LRP6: variants seen among roughly 807,000 people sequenced by gnomAD.
The protein encoded by LRP6 is LDL receptor related protein 6.
In LRP6, 43 loss-of-function variants were observed where a neutral mutation model predicts 184.1. The observed-to-expected ratio is 0.23, with a 90% CI of 0.18 to 0.30. The LOEUF (loss-of-function observed/expected upper bound fraction) is 0.30. LRP6 is among the 10% of genes least tolerant of loss of function. The pLI is 1.00. For missense variants in LRP6, 1,571 were observed against 2,005.3 expected, an observed-to-expected ratio of 0.78 and a Z score of 4.14; for synonymous variants, 719 against 684.9, an observed-to-expected ratio of 1.05 and a Z score of -0.78.
chr12:12,266,152 G>T (rs376786757), intron 1 of LRP6, among the ~76,000 whole-genome samples: 1 of 152,088 alleles, frequency 6.6e-6, no homozygotes, highest in East Asian at 1.9e-4. Flanking sequence ...CTCACCCAGG[G>T]TCATTATATC....
At chr12:12,230,908 C>T (rs141240196) in intron 2 of LRP6, among the ~76,000 whole-genome samples, 5 of 152,178 alleles carry the variant, frequency 3.3e-5, no homozygotes, top group South Asian at 4.1e-4. Flanking sequence ...CATGGCCAGG[C>T]GCAGTGGCTC....
chr12:12,126,937 C>G lies in LRP6; in HGVS notation c.4082-16G>C. 6.3e-7 allele frequency: 1 copy of G among 1,586,724 alleles called. No homozygotes were observed. Among genetic ancestry groups the G allele is most frequent in the Non-Finnish European group, 8.7e-7 (1 of 1,155,088 alleles). ...TCAGTCGGATCTACAATGAAGAATG[C>G]AGTATGGTTATTTAATAGAAAAACA... On this transcript the variant is annotated splice_polypyrimidine_tract_variant and intron_variant, in intron 19 of 22. Coordinates refer to ENST00000261349, the MANE Select transcript of LRP6 (RefSeq NM_002336.3).
chr12:12,187,135 G>C lies in LRP6; in HGVS notation c.648-16C>G. On this transcript the variant is annotated splice_polypyrimidine_tract_variant and intron_variant, in intron 3 of 22. Coordinates refer to ENST00000261349, the MANE Select transcript of LRP6 (RefSeq NM_002336.3). Reference sequence around the variant, plus strand: ...CACTGCCTGCCTATTAACATAAAGAGAAAAATTTAAACTTATTTCTAAATT... The same window carrying C: ...CACTGCCTGCCTATTAACATAAAGACAAAAATTTAAACTTATTTCTAAATT... 1 of 1,610,268 alleles carries C rather than the reference G, an allele frequency of 6.2e-7. No homozygotes were observed. Among genetic ancestry groups the C allele is most frequent in the Non-Finnish European group, 8.5e-7 (1 of 1,177,310 alleles).
chr12:12,151,695 A>G (rs1950083712), intron 12 of LRP6, among the ~76,000 whole-genome samples: 2 of 152,078 alleles, frequency 1.3e-5, no homozygotes, highest in South Asian at 4.1e-4. Context: ...AATGTTTTTA[A>G]TAACTTAAAA....
chr12:12,164,645 CGTTTGGTTCACAAAT>C, intron 8 of LRP6, 83 bp from the exon 9 acceptor site: 1 of 1,373,864 alleles, frequency 7.3e-7, no homozygotes, highest in South Asian at 1.2e-5. Flanking sequence ...ATTACTTAAG[CGTTTGGTTCACAAAT>C]GCCTATGATT....
At chr12:12,234,482 C>CA (rs1302583290) in intron 2 of LRP6, among the ~76,000 whole-genome samples, 3 of 151,646 alleles carry the variant, frequency 2.0e-5, no homozygotes, top group African/African-American at 7.3e-5. Context: ...AAAGAACATG[C>CA]AAAAGAGCAT....
intron 1 of LRP6, among the ~76,000 whole-genome samples, chr12:12,250,993 C>T (rs1288633166): frequency 6.6e-6 from 1 of 151,202 alleles, no homozygotes; most frequent in African/African-American, 2.4e-5. Flanking sequence ...TGCAGTGGTA[C>T]AATCTGGGCT....
At chr12:12,143,211 A>T (rs1949957629) in intron 15 of LRP6, among the ~76,000 whole-genome samples, 1 of 152,222 alleles carries the variant, frequency 6.6e-6, no homozygotes, top group African/African-American at 2.4e-5. Context: ...AACTCTAATG[A>T]AAGATAGGCA....
At position 12,164,622 on chromosome 12, in the gene LRP6, T is replaced by G. The variant is rs926765360; in HGVS notation, c.1763-60A>C. ...CACACACATTGATACATTCAACATA[T>G]TTTCACTTTTAAATTACTTAAGCGT... On this transcript the variant is annotated intron_variant, in intron 8 of 22. Coordinates refer to ENST00000261349, the MANE Select transcript of LRP6 (RefSeq NM_002336.3). 23 of 1,528,630 alleles carry G rather than the reference T, an allele frequency of 1.5e-5. No homozygotes were observed. The African/African-American group carries it at 2.3e-4, about 15-fold the overall frequency. 94.7% of individuals were successfully genotyped at this position (1,528,630 alleles called of 1,614,324 possible). A position where few individuals can be genotyped will look rare whatever the true frequency, so the allele number is the denominator to read the frequency against.
At chr12:12,131,499 T>C (rs756660878) in intron 18 of LRP6, among the ~76,000 whole-genome samples, 6 of 152,164 alleles carry the variant, frequency 3.9e-5, no homozygotes, top group South Asian at 2.1e-4. Context: ...TAAGGGAAAG[T>C]GAAGAATATA....
At chr12:12,206,698 AG>A (rs1228218397) in intron 2 of LRP6, among the ~76,000 whole-genome samples, 4 of 152,122 alleles carry the variant, frequency 2.6e-5, no homozygotes, top group African/African-American at 9.7e-5. Flanking sequence ...GTCTGAGTCC[AG>A]GAGTTCAAGA....
chr12:12,153,099 A>G (rs1950103564), intron 12 of LRP6, among the ~76,000 whole-genome samples: 1 of 152,238 alleles, frequency 6.6e-6, no homozygotes, highest in African/African-American at 2.4e-5. Flanking sequence ...CACATCACAC[A>G]GAATAGCTAA....
chr12:12,265,801 AG>A (rs1865742095), intron 1 of LRP6, among the ~76,000 whole-genome samples: 1 of 152,244 alleles, frequency 6.6e-6, no homozygotes, highest in African/African-American at 2.4e-5. Context: ...AGCATGTGTC[AG>A]CTTTGCAGTC....
At chr12:12,156,827 T>C (rs901157175) in intron 12 of LRP6, among the ~76,000 whole-genome samples, 23 of 152,242 alleles carry the variant, frequency 1.5e-4, no homozygotes, top group African/African-American at 5.5e-4. Flanking sequence ...TGAACTTCTC[T>C]TCCTCAACCA....
intron 2 of LRP6, among the ~76,000 whole-genome samples, chr12:12,225,609 C>T (rs1224476064): frequency 6.6e-6 from 1 of 152,078 alleles, no homozygotes. Context: ...TGGTGGCTCA[C>T]TCCTGTAATC....
At chr12:12,263,209 G>A (rs1019257707) in intron 1 of LRP6, among the ~76,000 whole-genome samples, 3 of 150,288 alleles carry the variant, frequency 2.0e-5, no homozygotes, top group South Asian at 2.1e-4. Context: ...AGGTTGCAGT[G>A]AGCCGAGATC....
At chr12:12,147,619 T>G in intron 14 of LRP6, 63 bp from the exon 15 acceptor site, 1 of 1,267,968 alleles carries the variant, frequency 7.9e-7, no homozygotes. Flanking sequence ...ATGAGGATAT[T>G]CTTATTAAGA....
In LRP6 at chr12:12,124,651, A is replaced by C. The variant is rs1156590110; in HGVS notation, c.4461T>G (p.Pro1487=). ...ATCGCTCTGTGGCTGGGGATGGTGG[A>C]GGGTTCAAAATCTAAAAGAAAAAAA... ...KGTYFPAILN[P]PPSPATERSH... Residue 1487 remains proline (P), a synonymous_variant, in exon 22 of 23, where the codon CCT becomes CCG. Transcript: ENST00000261349. 6.2e-7 allele frequency: 1 copy of C among 1,609,128 alleles called. No homozygotes were observed.
At chr12:12,231,180 CAAAA>C (rs10661340) in intron 2 of LRP6, among the ~76,000 whole-genome samples, 204 of 23,500 alleles carry the variant, frequency 8.7e-3, no homozygotes, top group African/African-American at 0.043. Context: ...GACTCCATCT[CAAAA>C]AAAAAAAAAA....
Sources: gnomAD v4.1 joint callset for allele counts (sites outside exome capture counted in the v4.1 genomes callset) on GRCh38, gnomAD v4.1.1 for gene constraint, MANE v1.5 for transcripts, NCBI Gene and HGNC (gene_info 2026-07-23, HGNC 2026-07-21) for gene names.